The following PRUNE2 variants were observed in gnomAD, a reference collection of about 807,000 sequenced individuals.
The protein encoded by PRUNE2 is protein prune homolog 2.
A neutral mutation model predicts 252.0 loss-of-function variants in PRUNE2; 164 were observed. The ratio of observed to expected loss-of-function variants is 0.65; its 90% CI spans 0.57 to 0.74. The LOEUF (loss-of-function observed/expected upper bound fraction) is 0.74. Ranked by LOEUF, PRUNE2 falls within the 30% of genes least tolerant of loss-of-function variation. The pLI is 0.00. For synonymous variants in PRUNE2, 1,292 were observed against 1,350.2 expected (o/e 0.96, Z 0.94); for missense variants, 3,495 against 3,711.0 (o/e 0.94, Z 1.51).
intron 6 of PRUNE2, among the ~76,000 whole-genome samples, chr9:76,804,270 G>A (rs1312091290): frequency 3.9e-5 from 6 of 152,192 alleles, no homozygotes. Flanking sequence ...CCTCTCTTTG[G>A]CGGGCTTTCC....
At chr9:76,866,229 C>A (rs915032507) in intron 1 of PRUNE2, among the ~76,000 whole-genome samples, 12 of 152,332 alleles carry the variant, frequency 7.9e-5, no homozygotes, top group African/African-American at 2.6e-4. Context: ...TGTTTCTTAG[C>A]TCTGTCCCCA....
intron 6 of PRUNE2, among the ~76,000 whole-genome samples, chr9:76,820,096 C>T (rs2057947559): frequency 6.6e-6 from 1 of 152,172 alleles, no homozygotes. Context: ...CTTGGAATGG[C>T]TTGGAGGCTG....
chr9:76,727,268 C>T (rs2048180359), intron 6 of PRUNE2, among the ~76,000 whole-genome samples: 1 of 152,158 alleles, frequency 6.6e-6, no homozygotes, highest in Non-Finnish European at 1.5e-5. Context: ...TAGGAGCTTA[C>T]AAAATAATTC....
chr9:76,838,645 C>CAAAAAA (rs10540002), intron 4 of PRUNE2, among the ~76,000 whole-genome samples: 331 of 84,424 alleles, frequency 3.9e-3, no homozygotes, highest in Non-Finnish European at 5.4e-3. Flanking sequence ...AACTCTGTCT[C>CAAAAAA]AAAAAAAAAA....
At chr9:76,742,295 T>A (rs2049699336) in intron 6 of PRUNE2, among the ~76,000 whole-genome samples, 1 of 152,104 alleles carries the variant, frequency 6.6e-6, no homozygotes, top group Non-Finnish European at 1.5e-5. Flanking sequence ...ATCCTTAACA[T>A]ACATAACTTT....
At chr9:76,832,083 T>G (rs2058703161) in intron 4 of PRUNE2, among the ~76,000 whole-genome samples, 1 of 152,156 alleles carries the variant, frequency 6.6e-6, no homozygotes, top group African/African-American at 2.4e-5. Context: ...TAAATTTGTA[T>G]GCACTAATAG....
chr9:76,850,024 G>A (rs7861910), intron 3 of PRUNE2, among the ~76,000 whole-genome samples: 4,562 of 151,986 alleles, frequency 0.03, 129 homozygotes, highest in African/African-American at 0.076. Context: ...TTGTTGTGTT[G>A]TTGTTGTTGT....
At chr9:76,625,194 A>C in intron 16 of PRUNE2, 1 of 470,884 alleles carries the variant, frequency 2.1e-6, no homozygotes, top group Non-Finnish European at 3.8e-6. Flanking sequence ...ATGTAACATC[A>C]TTTGGGTCAG....
intron 17 of PRUNE2, among the ~76,000 whole-genome samples, chr9:76,619,971 A>G (rs1467852419): frequency 6.6e-6 from 1 of 152,204 alleles, no homozygotes; most frequent in African/African-American, 2.4e-5. Flanking sequence ...AACAAATGTA[A>G]CCTTATAAAA....
At chr9:76,704,301 T>A (rs1588699389) in intron 8 of PRUNE2, among the ~76,000 whole-genome samples, 3 of 150,784 alleles carry the variant, frequency 2.0e-5, no homozygotes, top group Middle Eastern at 6.9e-3. Flanking sequence ...CTCGGCTCAC[T>A]GCAACCTCCA....
intron 9 of PRUNE2, among the ~76,000 whole-genome samples, chr9:76,697,493 G>A (rs488165): frequency 0.5 from 75,778 of 152,066 alleles, 20,557 homozygotes; most frequent in Middle Eastern, 0.72. Flanking sequence ...CAGATCCACC[G>A]TGGGAGCAAA....
chr9:76,634,201 C>G lies in PRUNE2; in HGVS notation c.9050+2270G>C, dbSNP rs1252600547. On this transcript the variant is annotated intron_variant, in intron 15 of 18. Transcript: ENST00000376718. The stretch of plus-strand genomic sequence containing the variant: ...GCAAATAAGCACTCAATAAATTAAG[C>G]CATTATTAGTCATAATTTACCACAA... Among the ~76,000 whole-genome samples the G allele has an allele frequency of 2.0e-5, 3 of 152,112 alleles. No homozygotes were observed. The East Asian group carries it at 5.8e-4, about 29-fold the overall frequency.
intron 1 of PRUNE2, among the ~76,000 whole-genome samples, chr9:76,875,512 C>T (rs533827466): frequency 2.6e-5 from 4 of 152,080 alleles, no homozygotes; most frequent in South Asian, 2.1e-4. Flanking sequence ...ACTACAGACA[C>T]GTGCCACCAT....
intron 9 of PRUNE2, among the ~76,000 whole-genome samples, chr9:76,678,538 G>A (rs1019435027): frequency 2.6e-5 from 4 of 152,188 alleles, no homozygotes; most frequent in Non-Finnish European, 4.4e-5. Flanking sequence ...GCATTATAAA[G>A]ACCTTCCTTG....
At chr9:76,697,842 T>C (rs565415088) in intron 9 of PRUNE2, among the ~76,000 whole-genome samples, 1 of 152,292 alleles carries the variant, frequency 6.6e-6, no homozygotes, top group South Asian at 2.1e-4. Flanking sequence ...GAGGAACACT[T>C]GCCCTGTCTA....
chr9:76,704,908 C>A lies in PRUNE2; in HGVS notation c.7366G>T (p.Ala2456Ser), dbSNP rs779814726. The A allele has an allele frequency of 1.2e-6, 2 of 1,611,020 alleles. No individual in the cohort carries two copies. The highest frequency in any genetic ancestry group is 1.7e-6 in the Non-Finnish European group (2 of 1,178,452). Residue 2456 changes from alanine to serine, a missense_variant, in exon 8 of 19, where the codon GCT becomes TCT. Physicochemically the swap from Ala to Ser is moderately conservative, Grantham distance 99. Transcript: ENST00000376718. ...TKNRLPGSQL[A>S]VLHIREDPES... ...GGGTCTTCACGAATATGCAGCACAGCCAGCTGGGATCCAGGCAGTCTGTTT... is the reference window on the plus strand; with the variant it reads ...GGGTCTTCACGAATATGCAGCACAGACAGCTGGGATCCAGGCAGTCTGTTT...
At chr9:76,793,957 T>C (rs10869822) in intron 6 of PRUNE2, among the ~76,000 whole-genome samples, 4,655 of 152,282 alleles carry the variant, frequency 0.031, 253 homozygotes, top group African/African-American at 0.11. Context: ...ATAAAGACAT[T>C]ATGAACTTAC....
chr9:76,831,974 T>G (rs953116924), intron 4 of PRUNE2, among the ~76,000 whole-genome samples: 5 of 152,104 alleles, frequency 3.3e-5, no homozygotes, highest in Non-Finnish European at 7.4e-5. Context: ...TATGCTAATA[T>G]CAAACAAAAC....
intron 9 of PRUNE2, among the ~76,000 whole-genome samples, chr9:76,667,621 C>G (rs2040450687): frequency 6.6e-6 from 1 of 152,208 alleles, no homozygotes; most frequent in Non-Finnish European, 1.5e-5. Flanking sequence ...CATCCAAATG[C>G]CTTGGACAAG....
Sources: allele counts gnomAD v4.1 joint callset (sites outside exome capture counted in the v4.1 genomes callset), GRCh38; gene constraint gnomAD v4.1.1; transcripts MANE v1.5; gene names NCBI Gene and HGNC (gene_info 2026-07-23, HGNC 2026-07-21).